ITGBL1: variants seen among roughly 807,000 people sequenced by gnomAD.
ITGBL1 encodes the protein integrin beta-like protein 1.
Under a neutral mutation model 68.5 loss-of-function variants are expected in ITGBL1, and 51 were observed. The observed-to-expected ratio is 0.74, with a 90% CI of 0.59 to 0.94. The LOEUF is 0.94. ITGBL1 is among the 40% of genes least tolerant of loss of function. The probability of loss-of-function intolerance (pLI) is 0.00; values close to 1 mark genes in which losing one functional copy is unlikely to be tolerated. For synonymous variants in ITGBL1, 209 were observed against 227.3 expected, an observed-to-expected ratio of 0.92 and a Z score of 0.72; for missense variants, 649 against 647.4, an observed-to-expected ratio of 1.00 and a Z score of -0.03.
At chr13:101,615,887 C>T (rs146140743) in intron 7 of ITGBL1, among the ~76,000 whole-genome samples, 580 of 152,242 alleles carry the variant, frequency 3.8e-3, no homozygotes, top group African/African-American at 0.013. Context: ...TGAGAAGGTG[C>T]CATCTATGTG....
chr13:101,597,654 G>C (rs551236908), intron 6 of ITGBL1, among the ~76,000 whole-genome samples: 42 of 152,034 alleles, frequency 2.8e-4, no homozygotes, highest in African/African-American at 9.4e-4. Flanking sequence ...CTGGGTTCAA[G>C]TGACTCTCCT....
intron 7 of ITGBL1, among the ~76,000 whole-genome samples, chr13:101,663,936 T>G (rs902622628): frequency 1.5e-4 from 23 of 152,310 alleles, no homozygotes; most frequent in African/African-American, 5.5e-4. Context: ...TGTTTTAAAA[T>G]GTTCTCTCTC....
At chr13:101,455,286 CA>C (rs1330198926) in intron 2 of ITGBL1, among the ~76,000 whole-genome samples, 1 of 152,094 alleles carries the variant, frequency 6.6e-6, no homozygotes, top group Non-Finnish European at 1.5e-5. Context: ...CTTGGCAATG[CA>C]AAAAATAGTC....
chr13:101,685,839 A>G (rs1230728397), intron 7 of ITGBL1, among the ~76,000 whole-genome samples: 1 of 151,778 alleles, frequency 6.6e-6, no homozygotes, highest in Non-Finnish European at 1.5e-5. Flanking sequence ...AAAGATGAGA[A>G]TCCAGTAATA....
At chr13:101,497,274 A>T (rs1012514654) in intron 2 of ITGBL1, among the ~76,000 whole-genome samples, 1 of 152,228 alleles carries the variant, frequency 6.6e-6, no homozygotes, top group Non-Finnish European at 1.5e-5. Flanking sequence ...AGAATGATTT[A>T]ACTCCTCACA....
In ITGBL1 at chr13:101,641,595, G is replaced by T. The variant is rs1376517382; in HGVS notation, c.1015+43296G>T. On this transcript the variant is annotated intron_variant, in intron 7 of 10. Coordinates refer to ENST00000376180, the MANE Select transcript of ITGBL1 (RefSeq NM_004791.3). ...TTTTTATTATGCTTTAAGTTTTAGG[G>T]TACATGTGCACAATGTGCAGGTTTG... Among the ~76,000 whole-genome samples the T allele has an allele frequency of 2.0e-5, 3 of 148,156 alleles. No homozygotes were observed. The Admixed American group carries it at 2.0e-4, about 10-fold the overall frequency.
chr13:101,704,202 T>C (rs1323634051), intron 8 of ITGBL1, among the ~76,000 whole-genome samples: 1 of 152,110 alleles, frequency 6.6e-6, no homozygotes, highest in Non-Finnish European at 1.5e-5. Context: ...GATACCTGTG[T>C]CTGGGTGCAT....
chr13:101,703,518 G>A (rs183079568), intron 8 of ITGBL1, among the ~76,000 whole-genome samples: 9 of 152,284 alleles, frequency 5.9e-5, no homozygotes, highest in East Asian at 3.9e-4. Context: ...GAAGTTATAC[G>A]GGACTAAATA....
At chr13:101,642,831 C>T (rs1348288519) in intron 7 of ITGBL1, among the ~76,000 whole-genome samples, 1 of 152,046 alleles carries the variant, frequency 6.6e-6, no homozygotes, top group Non-Finnish European at 1.5e-5. Flanking sequence ...ATCCTTTCCC[C>T]ATTGCTTATT....
At chr13:101,616,235 G>A (rs954482553) in intron 7 of ITGBL1, among the ~76,000 whole-genome samples, 5 of 152,158 alleles carry the variant, frequency 3.3e-5, no homozygotes, top group African/African-American at 9.7e-5. Context: ...GTCCAAGACA[G>A]GAAATCCCAT....
At position 101,510,370 on chromosome 13, in the gene ITGBL1, A is replaced by G. The variant is rs140101124; in HGVS notation, c.316+56270A>G. 6.6e-5 allele frequency among the ~76,000 whole-genome samples: 10 copies of G among 152,206 alleles called. No individual in the cohort carries two copies. The East Asian group carries it at 7.7e-4, about 12-fold the overall frequency. On this transcript the variant is annotated intron_variant, in intron 2 of 10. Transcript: ENST00000376180. ...CTTTTTTATGGTTGTGTAGTATTCT[A>G]TGCTATATATGTACCATATTTTCTT...
chr13:101,683,410 ATTCT>A (rs1178524791), intron 7 of ITGBL1, among the ~76,000 whole-genome samples: 2 of 152,102 alleles, frequency 1.3e-5, no homozygotes, highest in African/African-American at 2.4e-5. Context: ...TGTATTTGCG[ATTCT>A]TTCTTTTAAT....
At chr13:101,643,528 G>C (rs1594950151) in intron 7 of ITGBL1, among the ~76,000 whole-genome samples, 1 of 152,168 alleles carries the variant, frequency 6.6e-6, no homozygotes, top group Non-Finnish European at 1.5e-5. Flanking sequence ...AAAGAGGAAG[G>C]CTTTATGTGT....
intron 7 of ITGBL1, among the ~76,000 whole-genome samples, chr13:101,640,447 A>G (rs541560753): frequency 2.0e-5 from 3 of 152,238 alleles, no homozygotes; most frequent in South Asian, 2.1e-4. Context: ...GATTTATCCC[A>G]TACCCTTGTA....
At chr13:101,610,746 A>G (rs1452226693) in intron 7 of ITGBL1, among the ~76,000 whole-genome samples, 2 of 152,120 alleles carry the variant, frequency 1.3e-5, no homozygotes, top group Non-Finnish European at 2.9e-5. Context: ...GCAGCCCCTT[A>G]CAGAAAAAAC....
At chr13:101,714,220 A>C (rs1263673585) in intron 9 of ITGBL1, 1 of 522,784 alleles carries the variant, frequency 1.9e-6, no homozygotes, top group African/African-American at 1.9e-5. Context: ...GTTCAAGGCT[A>C]ATTGCAACTG....
chr13:101,675,226 C>T (rs1240116387), intron 7 of ITGBL1, among the ~76,000 whole-genome samples: 2 of 149,690 alleles, frequency 1.3e-5, no homozygotes, highest in Non-Finnish European at 3.0e-5. Flanking sequence ...AAAATTTTTC[C>T]CTTTTTCTTT....
At chr13:101,578,210 GC>G (rs1566739788) in intron 4 of ITGBL1, among the ~76,000 whole-genome samples, 2 of 152,032 alleles carry the variant, frequency 1.3e-5, no homozygotes, top group African/African-American at 2.4e-5. Flanking sequence ...CTTGCCATTG[GC>G]CAGAAATACC....
rs551373725 is a variant in ITGBL1, at chr13:101,634,967, T to A, written c.1015+36668T>A. 3.3e-5 allele frequency among the ~76,000 whole-genome samples: 5 copies of A among 152,064 alleles called. No homozygotes were observed. In the East Asian group the frequency reaches 9.6e-4, roughly 29 times the overall value. On this transcript the variant is annotated intron_variant, in intron 7 of 10. Transcript: ENST00000376180. ...GTGTGTGTGTGTGTGTGTGTGTGTGTGTGTATTTCTAGTTTTATAGGCAAT... is the reference window on the plus strand; with the variant it reads ...GTGTGTGTGTGTGTGTGTGTGTGTGAGTGTATTTCTAGTTTTATAGGCAAT...
Sources: gnomAD v4.1 joint callset for allele counts (sites outside exome capture counted in the v4.1 genomes callset) on GRCh38, gnomAD v4.1.1 for gene constraint, MANE v1.5 for transcripts, NCBI Gene and HGNC (gene_info 2026-07-23, HGNC 2026-07-21) for gene names.